IGFBP2: variants seen among roughly 807,000 people sequenced by gnomAD.
IGFBP2 encodes the protein insulin-like growth factor-binding protein 2.
In IGFBP2, 12 loss-of-function variants were observed where a neutral mutation model predicts 26.2. That is an observed-to-expected ratio of 0.46 (90% CI 0.29 to 0.74). IGFBP2 has a LOEUF of 0.74. IGFBP2 is among the 30% of genes least tolerant of loss of function. IGFBP2 has a pLI of 0.09. For missense variants in IGFBP2, 328 were observed against 441.2 expected (o/e 0.74, Z 2.30); for synonymous variants, 189 against 200.6 (o/e 0.94, Z 0.49).
intron 1 of IGFBP2, among the ~76,000 whole-genome samples, chr2:216,647,729 C>T (rs1010489739): frequency 2.2e-4 from 33 of 152,208 alleles, no homozygotes; most frequent in Non-Finnish European, 4.0e-4. Context: ...ACCATGTTAG[C>T]CAGGATGGTC....
Position 216,633,896 on chromosome 2 carries a change from G to C in IGFBP2, c.373G>C (p.Val125Leu), listed in dbSNP as rs780818147. Reference protein sequence around the residue: ...PGSELPLQALVMGEGTCEKRR... With the variant: ...PGSELPLQALLMGEGTCEKRR... ...CTCCGAGCTGCCCCTGCAGGCGCTG[G>C]TCATGGGCGAGGGCACTTGTGAGAA... Residue 125 changes from valine to leucine, a missense_variant, in exon 1 of 4, where the codon GTC becomes CTC. Physicochemically the swap from Val to Leu is conservative, Grantham distance 32. Coordinates refer to ENST00000233809, the MANE Select transcript of IGFBP2 (RefSeq NM_000597.3). 2 of 1,595,280 alleles carry C rather than the reference G, an allele frequency of 1.3e-6. No homozygotes were observed. Among genetic ancestry groups the C allele is most frequent in the Non-Finnish European group, 1.7e-6 (2 of 1,173,150 alleles).
At chr2:216,646,798 C>T (rs77444553) in intron 1 of IGFBP2, among the ~76,000 whole-genome samples, 10,707 of 152,240 alleles carry the variant, frequency 0.07, 418 homozygotes, top group African/African-American at 0.089. Context: ...ATTCAATTAC[C>T]TCCCACTGGG....
In IGFBP2 at chr2:216,661,977, T is replaced by G. The variant is rs767255044; in HGVS notation, c.792T>G (p.His264Gln). The G allele has an allele frequency of 4.3e-6, 7 of 1,614,190 alleles. No homozygotes were observed. Among genetic ancestry groups the G allele is most frequent in the Non-Finnish European group, 4.2e-6 (5 of 1,180,024 alleles). The change falls in exon 3 of 4, where the codon CAT (histidine) becomes CAG (glutamine). Residue 264 changes from histidine (H) to glutamine (Q), a missense_variant. His to Gln is a conservative substitution (Grantham distance 24). Transcript: ENST00000233809. ...YSLHIPNCDK[H>Q]GLYNLKQCKM... ...TGCACATCCCCAACTGTGACAAGCA[T>G]GGCCTGTACAACCTCAAACAGGTGA...
intron 1 of IGFBP2, among the ~76,000 whole-genome samples, chr2:216,653,076 T>C (rs1697858105): frequency 6.6e-6 from 1 of 152,172 alleles, no homozygotes; most frequent in Admixed American, 6.5e-5. Context: ...GAAGATGTGA[T>C]TGTTCTAGGT....
intron 1 of IGFBP2, among the ~76,000 whole-genome samples, chr2:216,637,906 G>A (rs1326858155): frequency 6.6e-6 from 1 of 152,184 alleles, no homozygotes; most frequent in African/African-American, 2.4e-5. Flanking sequence ...AAATGCCATG[G>A]GGCCGGTCGC....
intron 1 of IGFBP2, among the ~76,000 whole-genome samples, chr2:216,658,044 A>C (rs540418745): frequency 6.6e-6 from 1 of 152,288 alleles, no homozygotes; most frequent in South Asian, 2.1e-4. Flanking sequence ...GCTGTAAGAC[A>C]TGGAAATCCC....
At chr2:216,647,919 C>T (rs1203941599) in intron 1 of IGFBP2, among the ~76,000 whole-genome samples, 1 of 152,182 alleles carries the variant, frequency 6.6e-6, no homozygotes, top group Non-Finnish European at 1.5e-5. Flanking sequence ...CTCCCGGGCT[C>T]AAGCCATCCT....
intron 1 of IGFBP2, among the ~76,000 whole-genome samples, chr2:216,650,495 G>C (rs1478817014): frequency 1.3e-5 from 2 of 152,218 alleles, no homozygotes; most frequent in Non-Finnish European, 2.9e-5. Context: ...GGATTCATCG[G>C]CCAGGTGGGG....
chr2:216,639,007 A>ATTT (rs1208707145), intron 1 of IGFBP2, among the ~76,000 whole-genome samples: 16 of 115,062 alleles, frequency 1.4e-4, no homozygotes, highest in South Asian at 2.7e-4. Flanking sequence ...GACCAGGCTA[A>ATTT]TTTTTTTTTT....
chr2:216,649,722 C>T (rs192086404), intron 1 of IGFBP2, among the ~76,000 whole-genome samples: 36 of 152,318 alleles, frequency 2.4e-4, no homozygotes, highest in African/African-American at 8.2e-4. Context: ...AACTGTCTGC[C>T]TCAGCCCTGA....
Position 216,664,094 on chromosome 2 carries a change from G to C in IGFBP2, c.968G>C (p.Arg323Pro), listed in dbSNP as rs759413522. 6.2e-7 allele frequency: 1 copy of C among 1,605,444 alleles called. No individual in the cohort carries two copies. The highest frequency in any genetic ancestry group is 1.1e-5 in the South Asian group (1 of 90,036). ...QQEARGVHTQ[R>P]MQ is the part of the protein sequence containing the mutation. ...GAGGCTCGCGGGGTGCACACCCAGC[G>C]GATGCAGTAGACCGCAGCCAGCCGG... The change falls in exon 4 of 4, where the codon CGG (arginine) becomes CCG (proline). Residue 323 changes from arginine (R) to proline (P), a missense_variant. By Grantham distance (103) the Arg-to-Pro change is moderately radical. Transcript: ENST00000233809. This position sits in a 1 kb window ranked among gnomAD's most constrained non-coding sequence, Gnocchi z 4.6.
At chr2:216,636,062 C>T (rs970844852) in intron 1 of IGFBP2, among the ~76,000 whole-genome samples, 1 of 152,022 alleles carries the variant, frequency 6.6e-6, no homozygotes, top group African/African-American at 2.4e-5. Context: ...GGGAAGGAGC[C>T]TGAGCTTGCA....
At chr2:216,655,136 C>A (rs934323951) in intron 1 of IGFBP2, among the ~76,000 whole-genome samples, 1 of 152,178 alleles carries the variant, frequency 6.6e-6, no homozygotes, top group African/African-American at 2.4e-5. Context: ...CAGCCTCTAA[C>A]CCCTGGGCTC....
intron 1 of IGFBP2, among the ~76,000 whole-genome samples, chr2:216,636,329 A>G (rs1697495148): frequency 6.6e-6 from 1 of 152,056 alleles, no homozygotes; most frequent in African/African-American, 2.4e-5. Flanking sequence ...AGAATTTTAA[A>G]CATACCCTCT....
chr2:216,637,279 T>C (rs1288109361), intron 1 of IGFBP2, among the ~76,000 whole-genome samples: 1 of 152,144 alleles, frequency 6.6e-6, no homozygotes, highest in African/African-American at 2.4e-5. Flanking sequence ...CCACTGTTCA[T>C]GAAAGAAGGA....
At position 216,661,905 on chromosome 2, in the gene IGFBP2, C is replaced by T. The variant is rs748792864; in HGVS notation, c.720C>T (p.Thr240=). 4 of 1,614,220 alleles carry T rather than the reference C, an allele frequency of 2.5e-6. No individual in the cohort carries two copies. Among genetic ancestry groups the T allele is most frequent in the Middle Eastern group, 1.6e-4 (1 of 6,062 alleles). The part of the protein sequence containing the change: ...ELDQVLERIS[T]MRLPDERGPL... ...ACCAGGTCCTGGAGCGGATCTCCAC[C>T]ATGCGCCTTCCGGATGAGCGGGGCC... is the stretch of plus-strand genomic sequence containing the variant. The change falls in exon 3 of 4, where the codon ACC becomes ACT. Residue 240 remains threonine, a synonymous_variant. Transcript: ENST00000233809.
At chr2:216,641,451 C>T (rs949494381) in intron 1 of IGFBP2, among the ~76,000 whole-genome samples, 2 of 152,134 alleles carry the variant, frequency 1.3e-5, no homozygotes, top group African/African-American at 2.4e-5. Context: ...ATATATAAAA[C>T]CTAAGCTCTT....
intron 2 of IGFBP2, chr2:216,661,093 T>G: frequency 2.5e-6 from 1 of 397,340 alleles, no homozygotes; most frequent in Non-Finnish European, 4.6e-6. Flanking sequence ...CCCTGAAACT[T>G]GCTTACTCTT....
intron 3 of IGFBP2, chr2:216,663,733 G>A (rs1202506184): frequency 9.7e-6 from 5 of 515,614 alleles, no homozygotes; most frequent in Admixed American, 3.4e-5. Flanking sequence ...GCTCGCTAGC[G>A]ATGCAGAATT....
Sources: gnomAD v4.1 joint callset for allele counts (sites outside exome capture counted in the v4.1 genomes callset) on GRCh38, gnomAD v4.1.1 for gene constraint, Gnocchi (gnomAD v3.1) non-coding constraint, MANE v1.5 for transcripts, NCBI Gene and HGNC (gene_info 2026-07-23, HGNC 2026-07-21) for gene names.